CNTNAP2: variants seen among roughly 807,000 people sequenced by gnomAD.
CNTNAP2 encodes contactin associated protein 2.
In CNTNAP2, 98 loss-of-function variants were observed where a neutral mutation model predicts 155.2. That is an observed-to-expected ratio of 0.63 (90% confidence interval 0.54 to 0.75). The LOEUF is 0.75. CNTNAP2 is among the 30% of genes least tolerant of loss of function. The pLI is 0.00. For missense variants in CNTNAP2, 1,727 were observed against 1,688.1 expected (o/e 1.02, Z -0.40); for synonymous variants, 651 against 631.2 (o/e 1.03, Z -0.47).
chr7:146,200,685 A>T (rs1038231450), intron 1 of CNTNAP2, among the ~76,000 whole-genome samples: 1 of 152,182 alleles, frequency 6.6e-6, no homozygotes, highest in Non-Finnish European at 1.5e-5. Context: ...AGGACATGCC[A>T]TATAGCCTAG....
At chr7:147,499,422 G>A (rs1798770341) in intron 11 of CNTNAP2, among the ~76,000 whole-genome samples, 2 of 152,108 alleles carry the variant, frequency 1.3e-5, no homozygotes, top group Admixed American at 6.5e-5. Context: ...CCAGCTACTC[G>A]GGAGGCTGAG....
chr7:147,159,588 C>T (rs114283303), intron 8 of CNTNAP2, among the ~76,000 whole-genome samples: 2,699 of 152,138 alleles, frequency 0.018, 65 homozygotes, highest in African/African-American at 0.06. Flanking sequence ...TTTAAATATG[C>T]GGAACAAGGT....
chr7:146,983,430 A>G (rs1442706731), intron 3 of CNTNAP2, among the ~76,000 whole-genome samples: 1 of 152,202 alleles, frequency 6.6e-6, no homozygotes, highest in Non-Finnish European at 1.5e-5. Context: ...GACAAAAAAA[A>G]CAGAACAAAA....
chr7:147,127,380 GT>G (rs960567084), intron 6 of CNTNAP2, among the ~76,000 whole-genome samples: 56 of 142,678 alleles, frequency 3.9e-4, no homozygotes, highest in Non-Finnish European at 3.5e-4. Flanking sequence ...TGAGGCCTTT[GT>G]TTTTTTTTTT....
chr7:147,817,311 T>G (rs1798281233), intron 13 of CNTNAP2, among the ~76,000 whole-genome samples: 1 of 152,260 alleles, frequency 6.6e-6, no homozygotes, highest in Non-Finnish European at 1.5e-5. Flanking sequence ...TTAGAAAAAT[T>G]TTAGTATGCA....
chr7:147,716,376 G>A (rs760631225), intron 13 of CNTNAP2, among the ~76,000 whole-genome samples: 1 of 151,976 alleles, frequency 6.6e-6, no homozygotes, highest in East Asian at 1.9e-4. Flanking sequence ...AAATGCCAGG[G>A]GCTTTATAGG....
At chr7:147,741,001 T>C (rs1303792654) in intron 13 of CNTNAP2, among the ~76,000 whole-genome samples, 3 of 152,172 alleles carry the variant, frequency 2.0e-5, no homozygotes, top group East Asian at 1.9e-4. Flanking sequence ...CCAATGGTCA[T>C]TGGTTACCAG....
At chr7:146,906,257 G>A (rs1207700854) in intron 3 of CNTNAP2, among the ~76,000 whole-genome samples, 3 of 152,240 alleles carry the variant, frequency 2.0e-5, no homozygotes, top group Admixed American at 1.3e-4. Context: ...GCTTGCTTAG[G>A]TAAACAAAGC....
chr7:147,660,440 G>A (rs1198426024), intron 13 of CNTNAP2, among the ~76,000 whole-genome samples: 1 of 152,168 alleles, frequency 6.6e-6, no homozygotes, highest in Non-Finnish European at 1.5e-5. Context: ...AGGAGACCCA[G>A]TGCTCCCTTG....
chr7:148,033,151 A>G (rs1014427516), intron 15 of CNTNAP2, among the ~76,000 whole-genome samples: 3 of 152,126 alleles, frequency 2.0e-5, no homozygotes, highest in Non-Finnish European at 4.4e-5. Context: ...TCATGTCTGT[A>G]TCTGCTTGCC....
intron 13 of CNTNAP2, among the ~76,000 whole-genome samples, chr7:147,795,819 G>C (rs548610960): frequency 6.6e-6 from 1 of 152,092 alleles, no homozygotes; most frequent in Non-Finnish European, 1.5e-5. Context: ...AAATGAGAGG[G>C]TTGAATTTGA....
intron 5 of CNTNAP2, among the ~76,000 whole-genome samples, chr7:147,113,626 A>T (rs1800928087): frequency 6.6e-6 from 1 of 152,110 alleles, no homozygotes; most frequent in Admixed American, 6.6e-5. Context: ...TGAGAACTCA[A>T]TCACTATGAT....
At chr7:146,793,234 C>T (rs1360044442) in intron 2 of CNTNAP2, among the ~76,000 whole-genome samples, 3 of 152,196 alleles carry the variant, frequency 2.0e-5, no homozygotes, top group Non-Finnish European at 2.9e-5. Flanking sequence ...ACTGGACTCA[C>T]ATAGCCAAAT....
chr7:146,882,102 A>C (rs1480822907), intron 3 of CNTNAP2, among the ~76,000 whole-genome samples: 1 of 152,004 alleles, frequency 6.6e-6, no homozygotes, highest in African/African-American at 2.4e-5. Context: ...GCTTAGGATA[A>C]TGGCTTCCAG....
At chr7:147,933,056 GGTTTGTTTGTTTGTTT>G (rs71527856) in intron 14 of CNTNAP2, among the ~76,000 whole-genome samples, 9 of 145,282 alleles carry the variant, frequency 6.2e-5, no homozygotes, top group East Asian at 2.4e-4. Context: ...TATTTGAGGG[GGTTTGTTTGTTTGTTT>G]GTTTGTTTGT....
intron 1 of CNTNAP2, among the ~76,000 whole-genome samples, chr7:146,588,531 TA>T (rs1371647260): frequency 1.0e-3 from 84 of 81,062 alleles, no homozygotes; most frequent in South Asian, 3.0e-3. Flanking sequence ...TTTTTTTTTT[TA>T]AATTTACTCT....
intron 8 of CNTNAP2, among the ~76,000 whole-genome samples, chr7:147,289,423 A>G (rs1427531080): frequency 8.6e-5 from 13 of 151,972 alleles, no homozygotes; most frequent in Non-Finnish European, 2.9e-5. Flanking sequence ...AACAGGAGAG[A>G]CAATTGGGGA....
At chr7:147,980,349 T>C (rs1425657137) in intron 15 of CNTNAP2, among the ~76,000 whole-genome samples, 1 of 152,182 alleles carries the variant, frequency 6.6e-6, no homozygotes, top group Non-Finnish European at 1.5e-5. Context: ...TAGAAACATT[T>C]TTAGAACCTA....
intron 21 of CNTNAP2, among the ~76,000 whole-genome samples, chr7:148,332,221 C>T (rs980891675): frequency 3.3e-5 from 5 of 150,356 alleles, no homozygotes; most frequent in African/African-American, 1.2e-4. Context: ...AATCATAATT[C>T]CTATAATTAT....
Sources: allele counts gnomAD v4.1 joint callset (sites outside exome capture counted in the v4.1 genomes callset), GRCh38; gene constraint gnomAD v4.1.1; transcripts MANE v1.5; gene names NCBI Gene and HGNC (gene_info 2026-07-23, HGNC 2026-07-21).